PLPPR1: variants seen among roughly 807,000 people sequenced by gnomAD.
PLPPR1 encodes phospholipid phosphatase-related protein type 1.
In PLPPR1, 10 loss-of-function variants were observed where a neutral mutation model predicts 33.1. That is an observed-to-expected ratio of 0.30 (90% CI 0.19 to 0.51). The LOEUF (loss-of-function observed/expected upper bound fraction) is 0.51, where lower values mean the gene tolerates loss of function less well. Among genes scored for constraint, PLPPR1 ranks in the 20% least tolerant of loss-of-function variants. The pLI is 0.97. For missense variants in PLPPR1, 304 were observed against 408.1 expected (o/e 0.74, Z 2.20); for synonymous variants, 151 against 151.0 (o/e 1.00, Z 0.00).
intron 2 of PLPPR1, among the ~76,000 whole-genome samples, chr9:101,266,299 G>A (rs1043202863): frequency 1.3e-5 from 2 of 151,298 alleles, no homozygotes; most frequent in African/African-American, 2.4e-5. Flanking sequence ...GTGATGGCAT[G>A]CACCTGTAAT....
rs940604977 is a variant in PLPPR1 at position 101,325,092 on chromosome 9, T to C, written c.*1035T>C. The C allele has an allele frequency of 6.6e-6, 1 of 152,154 alleles. No individual in the cohort carries two copies. Among genetic ancestry groups the C allele is most frequent in the African/African-American group, 2.4e-5 (1 of 41,434 alleles). The allele number at this position is 152,154 out of a possible 1,614,324, so 9.4% of individuals were successfully genotyped here. On this transcript the variant is annotated 3_prime_UTR_variant, in exon 8 of 8. Transcript: ENST00000374874. Reference sequence around the variant, plus strand: ...GGCTCTTCTCAGCTTTTTTTGTACATATTTTTTTTTTCTAAAGAGAAGAAA... The same window carrying C: ...GGCTCTTCTCAGCTTTTTTTGTACACATTTTTTTTTTCTAAAGAGAAGAAA...
chr9:101,210,124 T>C (rs771691063), intron 2 of PLPPR1, among the ~76,000 whole-genome samples: 16 of 152,258 alleles, frequency 1.1e-4, no homozygotes, highest in Non-Finnish European at 2.1e-4. Flanking sequence ...TCATCAACCA[T>C]GCTTTGCTAA....
intron 1 of PLPPR1, among the ~76,000 whole-genome samples, chr9:101,157,477 G>C (rs2987747): frequency 0.44 from 66,986 of 151,996 alleles, 15,409 homozygotes; most frequent in Non-Finnish European, 0.51. Context: ...TCCTGAATAT[G>C]TGGATTTGAG....
intron 4 of PLPPR1, 28 bp downstream of exon 4, chr9:101,286,264 C>T (rs756006770): frequency 6.4e-7 from 1 of 1,570,340 alleles, no homozygotes; most frequent in South Asian, 1.2e-5. Flanking sequence ...CTGAACTAAG[C>T]TCTCACATAA....
At chr9:101,185,193 A>G (rs1826184229) in intron 1 of PLPPR1, 1 of 315,238 alleles carries the variant, frequency 3.2e-6, no homozygotes, top group Non-Finnish European at 5.7e-6. Context: ...TTAGAATTCT[A>G]TTCACTAGCT....
intron 1 of PLPPR1, among the ~76,000 whole-genome samples, chr9:101,069,698 T>C (rs1321994107): frequency 6.6e-6 from 1 of 152,114 alleles, no homozygotes; most frequent in African/African-American, 2.4e-5. Flanking sequence ...GATTCAAAGT[T>C]GAGAACCACT....
At chr9:101,255,726 A>G (rs1392078917) in intron 2 of PLPPR1, among the ~76,000 whole-genome samples, 1 of 152,188 alleles carries the variant, frequency 6.6e-6, no homozygotes, top group Non-Finnish European at 1.5e-5. Context: ...AGGAGCTTGC[A>G]GTTTAGGGGC....
At chr9:101,091,944 A>C (rs1453976714) in intron 1 of PLPPR1, among the ~76,000 whole-genome samples, 1 of 152,198 alleles carries the variant, frequency 6.6e-6, no homozygotes, top group Non-Finnish European at 1.5e-5. Context: ...TTGCCAAGGC[A>C]TTCGAAACGC....
chr9:101,197,369 G>A (rs1026539256), intron 2 of PLPPR1, among the ~76,000 whole-genome samples: 4 of 152,136 alleles, frequency 2.6e-5, no homozygotes, highest in African/African-American at 9.7e-5. Context: ...ACATCAGTGG[G>A]GTGCTGTGTC....
chr9:101,078,762 G>T (rs887929788), intron 1 of PLPPR1, among the ~76,000 whole-genome samples: 7 of 151,748 alleles, frequency 4.6e-5, no homozygotes, highest in Non-Finnish European at 8.8e-5. Flanking sequence ...TTTCCTTTTT[G>T]CTCTCCTCTA....
chr9:101,153,634 G>A (rs1330322682), intron 1 of PLPPR1, among the ~76,000 whole-genome samples: 3 of 152,124 alleles, frequency 2.0e-5, no homozygotes, highest in Non-Finnish European at 4.4e-5. Flanking sequence ...GAGCGCAGTG[G>A]CACAATGTTG....
At chr9:101,061,964 G>C (rs1830353080) in intron 1 of PLPPR1, among the ~76,000 whole-genome samples, 1 of 151,982 alleles carries the variant, frequency 6.6e-6, no homozygotes, top group African/African-American at 2.4e-5. Flanking sequence ...GAATTATCAT[G>C]CTATTTGGAG....
chr9:101,299,061 C>T (rs1034580278), intron 4 of PLPPR1, among the ~76,000 whole-genome samples: 1 of 152,178 alleles, frequency 6.6e-6, no homozygotes, highest in African/African-American at 2.4e-5. Context: ...AGTGCCCAGG[C>T]ACCCAACTTT....
chr9:101,063,038 G>A (rs1000622403), intron 1 of PLPPR1, among the ~76,000 whole-genome samples: 1 of 151,932 alleles, frequency 6.6e-6, no homozygotes, highest in African/African-American at 2.4e-5. Flanking sequence ...ATATCACAAG[G>A]GGTGAGAAGC....
At chr9:101,164,586 T>C (rs1825826985) in intron 1 of PLPPR1, among the ~76,000 whole-genome samples, 1 of 152,148 alleles carries the variant, frequency 6.6e-6, no homozygotes. Flanking sequence ...TAGACTGGTC[T>C]CGAACTCCTG....
intron 1 of PLPPR1, among the ~76,000 whole-genome samples, chr9:101,151,102 A>G (rs1185537084): frequency 1.3e-5 from 2 of 152,144 alleles, no homozygotes; most frequent in Non-Finnish European, 2.9e-5. Context: ...TCTTTAAGCA[A>G]AGGTCCAGAT....
intron 4 of PLPPR1, among the ~76,000 whole-genome samples, chr9:101,300,402 C>T (rs748231338): frequency 6.6e-6 from 1 of 152,178 alleles, no homozygotes; most frequent in Non-Finnish European, 1.5e-5. Context: ...TGGTCTCGAA[C>T]TTAAGGGATC....
rs553324474 is a variant in PLPPR1 at position 101,316,616 on chromosome 9, C to CAAAAAAAAAAAAAAAAAAAAAAAAAA, written c.814-737_814-736insAAAAAAAAAAAAAAAAAAAAAAAAAA. On this transcript the variant is annotated intron_variant, in intron 6 of 7. Coordinates refer to ENST00000374874, the MANE Select transcript of PLPPR1 (RefSeq NM_207299.2). ...AGGGAAAAGGAGGGTTCTTCTTGGG[C>CAAAAAAAAAAAAAAAAAAAAAAAAAA]AAAAAAAAAAAAGCAGGGAAGATGG... Among the ~76,000 whole-genome samples, 99 of 82,496 alleles carry CAAAAAAAAAAAAAAAAAAAAAAAAAA rather than the reference C, an allele frequency of 1.2e-3. 9 individuals carry two copies. Among genetic ancestry groups the CAAAAAAAAAAAAAAAAAAAAAAAAAA allele is most frequent in the African/African-American group, 3.1e-3 (53 of 17,196 alleles). The allele number at this position is 82,496 out of a possible 152,430, so 54.1% of individuals were successfully genotyped here.
At chr9:101,124,867 G>C (rs1831225221) in intron 1 of PLPPR1, among the ~76,000 whole-genome samples, 1 of 152,230 alleles carries the variant, frequency 6.6e-6, no homozygotes, top group African/African-American at 2.4e-5. Flanking sequence ...CTTAAGATGA[G>C]TTAACGAATG....
Sources: gnomAD v4.1 joint callset for allele counts (sites outside exome capture counted in the v4.1 genomes callset) on GRCh38, gnomAD v4.1.1 for gene constraint, MANE v1.5 for transcripts, NCBI Gene and HGNC (gene_info 2026-07-23, HGNC 2026-07-21) for gene names.